ZCCHC7: variants seen among roughly 807,000 people sequenced by gnomAD.
ZCCHC7 encodes the protein zinc finger CCHC domain-containing protein 7.
In ZCCHC7, 35 loss-of-function variants were observed where a neutral mutation model predicts 52.0. The ratio of observed to expected loss-of-function variants is 0.67; its 90% CI spans 0.51 to 0.89. ZCCHC7 has a LOEUF of 0.89. Among genes scored for constraint, ZCCHC7 ranks in the 40% least tolerant of loss-of-function variants. The probability of loss-of-function intolerance (pLI) is 0.00; values close to 1 mark genes in which losing one functional copy is unlikely to be tolerated. For missense variants in ZCCHC7, 574 were observed against 649.1 expected (o/e 0.88, Z 1.26); for synonymous variants, 217 against 221.5 (o/e 0.98, Z 0.18).
chr9:37,163,314 G>A (rs1433881078), intron 2 of ZCCHC7, among the ~76,000 whole-genome samples: 1 of 150,808 alleles, frequency 6.6e-6, no homozygotes, highest in Non-Finnish European at 1.5e-5. Context: ...CTTGAACCTA[G>A]GAGGCGGAGG....
chr9:37,319,230 T>G (rs1323635102), intron 5 of ZCCHC7, among the ~76,000 whole-genome samples: 2 of 152,212 alleles, frequency 1.3e-5, no homozygotes, highest in Non-Finnish European at 2.9e-5. Flanking sequence ...TTAATTTTCT[T>G]CTTATTGGCT....
In ZCCHC7 at chr9:37,251,348, G is replaced by T. The variant is rs1292283872; in HGVS notation, c.611-50840G>T. On this transcript the variant is annotated intron_variant, in intron 2 of 8. Coordinates refer to ENST00000336755, the MANE Select transcript of ZCCHC7 (RefSeq NM_032226.3). ...TTGAAAGGTATCTCTCCAAATTATT[G>T]TTCTGCTATAGTTATTTCTATCAAA... is the stretch of plus-strand genomic sequence containing the variant. 2.0e-5 allele frequency among the ~76,000 whole-genome samples: 3 copies of T among 151,984 alleles called. No individual in the cohort carries two copies. The East Asian group carries it at 5.8e-4, about 29-fold the overall frequency.
rs2118683303 is a variant in ZCCHC7, at chr9:37,354,037, A to G, written c.1084-673A>G. On this transcript the variant is annotated intron_variant, in intron 7 of 8. Coordinates refer to ENST00000336755, the MANE Select transcript of ZCCHC7 (RefSeq NM_032226.3). The surrounding 1 kb of genome is among the most constrained non-coding windows in gnomAD (Gnocchi z 4.0). Reference sequence around the variant, plus strand: ...GCTGGGTAGAGGCCAGAGTCATGAGAGTAGGAAGCTGTCCTGGGAAAATGA... The same window carrying G: ...GCTGGGTAGAGGCCAGAGTCATGAGGGTAGGAAGCTGTCCTGGGAAAATGA... Among the ~76,000 whole-genome samples the G allele has an allele frequency of 6.6e-6, 1 of 152,300 alleles. No homozygotes were observed. The highest frequency in any genetic ancestry group is 2.4e-5 in the African/African-American group (1 of 41,560).
Position 37,181,992 on chromosome 9 carries a change from T to A in ZCCHC7, c.610+55050T>A, listed in dbSNP as rs1236532797. 3.9e-5 allele frequency among the ~76,000 whole-genome samples: 6 copies of A among 152,018 alleles called. No homozygotes were observed. The East Asian group carries it at 1.2e-3, about 29-fold the overall frequency. ...AGCTACTGTGCCCAGCCCAAACAGATGATTTTTATGGTGTGTGAATTATAT... is the reference window on the plus strand; with the variant it reads ...AGCTACTGTGCCCAGCCCAAACAGAAGATTTTTATGGTGTGTGAATTATAT... On this transcript the variant is annotated intron_variant, in intron 2 of 8. Transcript: ENST00000336755.
At chr9:37,307,509 T>G (rs959577514) in intron 5 of ZCCHC7, among the ~76,000 whole-genome samples, 1 of 152,220 alleles carries the variant, frequency 6.6e-6, no homozygotes, top group Non-Finnish European at 1.5e-5. Flanking sequence ...TTCTCTTTTT[T>G]AAAGCATTAC....
intron 5 of ZCCHC7, among the ~76,000 whole-genome samples, chr9:37,323,292 GTAATCTAC>G (rs1476335301): frequency 1.5e-4 from 23 of 152,200 alleles, no homozygotes; most frequent in Non-Finnish European, 2.8e-4. Context: ...ACCTTGAAAT[GTAATCTAC>G]TGATAAACTT....
In ZCCHC7 at chr9:37,263,044, G is replaced by C. The variant is rs555926869; in HGVS notation, c.611-39144G>C. ...CATATTTTCTTAAAAATGAGCATCA[G>C]ATTTTCTCTACTGTTAATAATTCAT... On this transcript the variant is annotated intron_variant, in intron 2 of 8. Transcript: ENST00000336755. 3.5e-4 allele frequency among the ~76,000 whole-genome samples: 54 copies of C among 152,274 alleles called. 1 individual carries two copies. In the South Asian group the frequency reaches 7.0e-3, roughly 20 times the overall value.
chr9:37,212,600 G>A (rs1824300983), intron 2 of ZCCHC7, among the ~76,000 whole-genome samples: 1 of 152,186 alleles, frequency 6.6e-6, no homozygotes, highest in Non-Finnish European at 1.5e-5. Context: ...GCCAACAGTG[G>A]AACTCTAAGG....
intron 5 of ZCCHC7, among the ~76,000 whole-genome samples, chr9:37,316,533 C>T (rs1829830769): frequency 6.6e-6 from 1 of 151,770 alleles, no homozygotes; most frequent in African/African-American, 2.4e-5. Context: ...CCATGTTGTC[C>T]AGGCTGGTCT....
rs963529946 is a variant in ZCCHC7 at position 37,201,074 on chromosome 9, T to C, written c.610+74132T>C. On this transcript the variant is annotated intron_variant, in intron 2 of 8. Coordinates refer to ENST00000336755, the MANE Select transcript of ZCCHC7 (RefSeq NM_032226.3). Reference sequence around the variant, plus strand: ...GTATCATTGCATGCTCTTGTAACTTTTGTTTTGAATTCATTGAATTTTTTA... The same window carrying C: ...GTATCATTGCATGCTCTTGTAACTTCTGTTTTGAATTCATTGAATTTTTTA... Among the ~76,000 whole-genome samples, 13 of 152,316 alleles carry C rather than the reference T, an allele frequency of 8.5e-5. No individual in the cohort carries two copies. In the South Asian group the frequency reaches 1.7e-3, roughly 19 times the overall value.
chr9:37,142,337 C>A (rs1290682906), intron 2 of ZCCHC7, among the ~76,000 whole-genome samples: 1 of 151,562 alleles, frequency 6.6e-6, no homozygotes, highest in East Asian at 1.9e-4. Context: ...AATGCTCTTT[C>A]TGCATATCTG....
chr9:37,182,342 TTTTTTTTC>T (rs1245549025), intron 2 of ZCCHC7, among the ~76,000 whole-genome samples: 3 of 151,656 alleles, frequency 2.0e-5, no homozygotes, highest in Non-Finnish European at 4.4e-5. Context: ...ACAGTTGTAT[TTTTTTTTC>T]TTTTTTTCTT....
intron 2 of ZCCHC7, among the ~76,000 whole-genome samples, chr9:37,187,397 A>G (rs950686057): frequency 6.6e-6 from 1 of 152,220 alleles, no homozygotes; most frequent in Non-Finnish European, 1.5e-5. Context: ...TCATGCTCCT[A>G]TGAGAATCTA....
chr9:37,191,793 C>T (rs1210059265), intron 2 of ZCCHC7, among the ~76,000 whole-genome samples: 1 of 152,214 alleles, frequency 6.6e-6, no homozygotes, highest in Non-Finnish European at 1.5e-5. Context: ...ACCATTTCAC[C>T]TGCTCTTTGT....
chr9:37,355,438 T>C (rs1465456932), intron 8 of ZCCHC7, among the ~76,000 whole-genome samples: 1 of 152,230 alleles, frequency 6.6e-6, no homozygotes, highest in Non-Finnish European at 1.5e-5. Context: ...GTTCTGTATT[T>C]TTTTAGTTTG....
chr9:37,200,044 C>T (rs1449817511), intron 2 of ZCCHC7, among the ~76,000 whole-genome samples: 1 of 152,100 alleles, frequency 6.6e-6, no homozygotes, highest in Non-Finnish European at 1.5e-5. Context: ...CCATTTTTGC[C>T]TTCCCATTTG....
At chr9:37,173,083 G>C (rs1215236942) in intron 2 of ZCCHC7, among the ~76,000 whole-genome samples, 1 of 151,524 alleles carries the variant, frequency 6.6e-6, no homozygotes, top group South Asian at 2.1e-4. Flanking sequence ...ATAGGGACTT[G>C]AGTGAGCAAC....
chr9:37,290,681 A>G (rs1225489389), intron 2 of ZCCHC7, among the ~76,000 whole-genome samples: 2 of 152,272 alleles, frequency 1.3e-5, no homozygotes, highest in Non-Finnish European at 2.9e-5. Flanking sequence ...AATTGATAGT[A>G]CATACTTTGA....
intron 2 of ZCCHC7, among the ~76,000 whole-genome samples, chr9:37,246,952 C>G (rs1826104452): frequency 6.6e-6 from 1 of 152,050 alleles, no homozygotes; most frequent in Non-Finnish European, 1.5e-5. Flanking sequence ...CACTTAAAAC[C>G]TACTCTCTTA....
Sources: gnomAD v4.1 joint callset for allele counts (sites outside exome capture counted in the v4.1 genomes callset) on GRCh38, gnomAD v4.1.1 for gene constraint, Gnocchi (gnomAD v3.1) non-coding constraint, MANE v1.5 for transcripts, NCBI Gene and HGNC (gene_info 2026-07-23, HGNC 2026-07-21) for gene names.